CAST: variants seen among roughly 807,000 people sequenced by gnomAD.
CAST encodes calpastatin, also known as MIR583 host.
In CAST, 76 loss-of-function variants were observed where a neutral mutation model predicts 119.6. The observed-to-expected ratio is 0.64, with a 90% confidence interval of 0.53 to 0.77. The LOEUF is 0.77. Ranked by LOEUF, CAST falls within the 30% of genes least tolerant of loss-of-function variation. The probability of loss-of-function intolerance (pLI) is 0.00; values close to 1 mark genes in which losing one functional copy is unlikely to be tolerated. For missense variants in CAST, 953 were observed against 946.5 expected (o/e 1.01, Z -0.09); for synonymous variants, 319 against 331.6 (o/e 0.96, Z 0.41).
chr5:96,688,955 G>T (rs756222481), intron 2 of CAST, among the ~76,000 whole-genome samples: 1 of 152,078 alleles, frequency 6.6e-6, no homozygotes, highest in Non-Finnish European at 1.5e-5. Flanking sequence ...TCAGAGCAAG[G>T]CTGCTGCTGC....
the CAST span, among the ~76,000 whole-genome samples, chr5:96,510,950 T>C: frequency 6.6e-6 from 1 of 152,220 alleles, no homozygotes; most frequent in Non-Finnish European, 1.5e-5. Context: ...ATTCATCATT[T>C]TTTACAAGTC....
At chr5:96,436,393 A>G in the CAST span, among the ~76,000 whole-genome samples, 88 of 152,318 alleles carry the variant, frequency 5.8e-4, 1 homozygote, top group East Asian at 0.017. Context: ...TTTGGGCAAT[A>G]CATTAAATTG....
the CAST span, among the ~76,000 whole-genome samples, chr5:96,112,024 TA>T: frequency 6.6e-6 from 1 of 151,272 alleles, no homozygotes; most frequent in Non-Finnish European, 1.5e-5. Flanking sequence ...TTAGAAATGT[TA>T]ATGAGTAGTT....
chr5:96,316,558 A>C, the CAST span, among the ~76,000 whole-genome samples: 1 of 152,220 alleles, frequency 6.6e-6, no homozygotes, highest in Non-Finnish European at 1.5e-5. Flanking sequence ...GCCCTGCTTA[A>C]ATGTGCAGAG....
the CAST span, among the ~76,000 whole-genome samples, chr5:96,452,628 C>T: frequency 1.0e-5 from 1 of 95,496 alleles, no homozygotes; most frequent in Non-Finnish European, 1.9e-5. Context: ...GTGTCCAGAA[C>T]TTAAAGTATA....
At chr5:96,083,800 G>A in the CAST span, among the ~76,000 whole-genome samples, 10 of 152,138 alleles carry the variant, frequency 6.6e-5, no homozygotes, top group Non-Finnish European at 1.2e-4. Flanking sequence ...ATGAAAATAC[G>A]ATTAGCCCTT....
chr5:96,673,268 A>AT (rs1159270214), intron 1 of CAST, among the ~76,000 whole-genome samples: 1 of 152,188 alleles, frequency 6.6e-6, no homozygotes, highest in Non-Finnish European at 1.5e-5. Flanking sequence ...TTCTAGAATG[A>AT]TTTTTTTAGA....
At chr5:96,623,286 A>G (rs765079630) in intron 1 of CAST, among the ~76,000 whole-genome samples, 10 of 152,280 alleles carry the variant, frequency 6.6e-5, no homozygotes, top group Non-Finnish European at 1.3e-4. Context: ...TTCAAAAGCA[A>G]CCTGTTAAGT....
chr5:96,666,372 C>T (rs1417870938), intron 1 of CAST, among the ~76,000 whole-genome samples: 1 of 152,212 alleles, frequency 6.6e-6, no homozygotes, highest in African/African-American at 2.4e-5. Context: ...CACCAGTCAT[C>T]ACATTCCTGA....
chr5:96,689,733 T>C (rs188997545), intron 2 of CAST, among the ~76,000 whole-genome samples: 1 of 152,362 alleles, frequency 6.6e-6, no homozygotes, highest in Admixed American at 6.5e-5. Context: ...TCTGTGCTTT[T>C]AACTAGTATC....
At chr5:96,665,091 C>A (rs1421912) in intron 1 of CAST, among the ~76,000 whole-genome samples, 98,071 of 152,042 alleles carry the variant, frequency 0.65, 33,253 homozygotes, top group African/African-American at 0.85. Context: ...CTTAGAATCC[C>A]ATTTTGGTAC....
At chr5:95,972,142 T>TTGTAGATATAAGGTCTCACTG in the CAST span, among the ~76,000 whole-genome samples, 1,820 of 151,986 alleles carry the variant, frequency 0.012, 42 homozygotes, top group African/African-American at 0.042. Context: ...TCTTTTTATT[T>TTGTAGATATAAGGTCTCACTG]TGTAGATATA....
At chr5:96,043,403 CA>C in the CAST span, among the ~76,000 whole-genome samples, 1 of 152,110 alleles carries the variant, frequency 6.6e-6, no homozygotes, top group South Asian at 2.1e-4. Context: ...TGCCTTTTAA[CA>C]AACAAGTTAA....
chr5:96,609,125 A>C (rs1036854916), intron 1 of CAST, among the ~76,000 whole-genome samples: 2 of 152,220 alleles, frequency 1.3e-5, no homozygotes, highest in Admixed American at 1.3e-4. Context: ...TGTAACCAAA[A>C]GTAATTATCT....
chr5:96,758,301 T>G (rs1169880024), intron 24 of CAST, among the ~76,000 whole-genome samples: 1 of 152,202 alleles, frequency 6.6e-6, no homozygotes. Context: ...CTTAGCTCCA[T>G]GTGGAATATA....
chr5:96,398,964 G>A, the CAST span: 30 of 1,611,914 alleles, frequency 1.9e-5, no homozygotes, highest in Admixed American at 5.0e-5. Context: ...CCAGGGACTT[G>A]ATAGCATTTT....
At chr5:96,585,191 G>A (rs889338188) in intron 1 of CAST, among the ~76,000 whole-genome samples, 4 of 151,972 alleles carry the variant, frequency 2.6e-5, no homozygotes, top group Admixed American at 1.3e-4. Flanking sequence ...CGGACTTTAC[G>A]TCCTGATTTA....
chr5:96,408,714 T>C, the CAST span, among the ~76,000 whole-genome samples: 2 of 152,268 alleles, frequency 1.3e-5, no homozygotes, highest in African/African-American at 4.8e-5. Context: ...TTCTGTCTCA[T>C]ACAAAATTCC....
At position 96,754,079 on chromosome 5, in the gene CAST, A is replaced by G. The variant is rs1475088387; in HGVS notation, c.1544A>G (p.Asp515Gly). The G allele has an allele frequency of 6.2e-7, 1 of 1,612,988 alleles. No individual in the cohort carries two copies. ...PATLKGTVPDDAVEALADSLG... is the reference protein window; with the variant it reads ...PATLKGTVPDGAVEALADSLG... ...TTTCAGAAGGGCACAGTGCCAGATG[A>G]TGCTGTAGAAGCCTTGGCTGATAGC... Residue 515 changes from aspartate to glycine, a missense_variant, in exon 21 of 32, where the codon GAT becomes GGT. By Grantham distance (94) the Asp-to-Gly change is moderately conservative. Coordinates refer to ENST00000675179, the MANE Select transcript of CAST (RefSeq NM_001750.7).
Sources: allele counts gnomAD v4.1 joint callset (sites outside exome capture counted in the v4.1 genomes callset), GRCh38; gene constraint gnomAD v4.1.1; transcripts MANE v1.5; gene names NCBI Gene and HGNC (gene_info 2026-07-23, HGNC 2026-07-21).